ZCCHC2: variants seen among roughly 807,000 people sequenced by gnomAD.
The protein encoded by ZCCHC2 is zinc finger CCHC-type containing 2.
ZCCHC2 carries 39 observed loss-of-function variants against 103.6 expected under a neutral mutation model. That is an observed-to-expected ratio of 0.38 (90% CI 0.29 to 0.49). ZCCHC2 has a LOEUF of 0.49. Among genes scored for constraint, ZCCHC2 ranks in the 20% least tolerant of loss-of-function variants. The pLI is 0.96. For missense variants in ZCCHC2, 1,483 were observed against 1,491.0 expected (o/e 0.99, Z 0.09); for synonymous variants, 687 against 608.9 (o/e 1.13, Z -1.89).
chr18:62,574,335 G>A lies in ZCCHC2; in HGVS notation c.2254G>A (p.Val752Ile). 1 of 1,614,050 alleles carries A rather than the reference G, an allele frequency of 6.2e-7. No individual in the cohort carries two copies. Among genetic ancestry groups the A allele is most frequent in the Non-Finnish European group, 8.5e-7 (1 of 1,179,902 alleles). Residue 752 changes from valine to isoleucine, a missense_variant, in exon 13 of 14, where the codon GTT becomes ATT. By Grantham distance (29) the Val-to-Ile change is conservative. Coordinates refer to ENST00000269499, the MANE Select transcript of ZCCHC2 (RefSeq NM_017742.6). ...TGATGGCAAAACCATAGGGATGCTTGTTCCTAGTCCTGTTGCTATTTCTGC... is the reference window on the plus strand; with the variant it reads ...TGATGGCAAAACCATAGGGATGCTTATTCCTAGTCCTGTTGCTATTTCTGC... The part of the protein sequence containing the change: ...PADGKTIGML[V>I]PSPVAISAIR...
At chr18:62,563,959 G>C (rs576913436) in intron 9 of ZCCHC2, among the ~76,000 whole-genome samples, 1 of 152,120 alleles carries the variant, frequency 6.6e-6, no homozygotes, top group Admixed American at 6.5e-5. Context: ...TCGCAGATAT[G>C]GGGGGAGGTC....
At chr18:62,554,405 A>AT (rs1253910079) in intron 5 of ZCCHC2, among the ~76,000 whole-genome samples, 5 of 152,206 alleles carry the variant, frequency 3.3e-5, no homozygotes, top group Non-Finnish European at 7.3e-5. Context: ...GGGTTGGATG[A>AT]TTTCTGTCAT....
chr18:62,538,305 A>G (rs1040777026), intron 1 of ZCCHC2, among the ~76,000 whole-genome samples: 8 of 151,534 alleles, frequency 5.3e-5, no homozygotes, highest in African/African-American at 1.7e-4. Flanking sequence ...TATTCACCCA[A>G]GCTTCTTCCA....
intron 1 of ZCCHC2, among the ~76,000 whole-genome samples, chr18:62,533,474 G>A (rs765633542): frequency 1.3e-5 from 2 of 152,234 alleles, no homozygotes; most frequent in East Asian, 1.9e-4. Context: ...GCAGTGAGCC[G>A]AGATCATGCC....
intron 11 of ZCCHC2, among the ~76,000 whole-genome samples, chr18:62,565,420 T>C (rs1916319036): frequency 1.3e-5 from 2 of 152,152 alleles, no homozygotes; most frequent in African/African-American, 4.8e-5. Context: ...ATGGGAGATC[T>C]CTCCTGTGGC....
chr18:62,524,494 C>T (rs997218216), intron 1 of ZCCHC2, 131 bp downstream of exon 1: 7 of 1,345,084 alleles, frequency 5.2e-6, no homozygotes, highest in African/African-American at 4.7e-5. Context: ...CACCCGGCAG[C>T]TCCCAGCGCC....
chr18:62,567,685 T>C lies in ZCCHC2; in HGVS notation c.1847-2418T>C, dbSNP rs1427581405. 6.6e-5 allele frequency among the ~76,000 whole-genome samples: 10 copies of C among 152,246 alleles called. No homozygotes were observed. In the East Asian group the frequency reaches 1.7e-3, roughly 26 times the overall value. The stretch of plus-strand genomic sequence containing the variant: ...ATGGCCAGGCGCGGTGGCTCACGCC[T>C]GTAATCCCAGCACTTTGGGAGGCTG... On this transcript the variant is annotated intron_variant, in intron 11 of 13. Coordinates refer to ENST00000269499, the MANE Select transcript of ZCCHC2 (RefSeq NM_017742.6).
At chr18:62,565,190 T>G in intron 11 of ZCCHC2, 94 bp downstream of exon 11, 2 of 908,134 alleles carry the variant, frequency 2.2e-6, no homozygotes. Context: ...TTGTGTCAAA[T>G]CCTAATACTA....
intron 1 of ZCCHC2, among the ~76,000 whole-genome samples, chr18:62,531,370 T>C (rs1415372591): frequency 6.6e-6 from 1 of 152,252 alleles, no homozygotes; most frequent in Non-Finnish European, 1.5e-5. Context: ...CTTTAGTTCC[T>C]TTCTAAATGC....
chr18:62,535,881 G>C (rs954445570), intron 1 of ZCCHC2, among the ~76,000 whole-genome samples: 1 of 152,194 alleles, frequency 6.6e-6, no homozygotes, highest in African/African-American at 2.4e-5. Flanking sequence ...TTTGACAATT[G>C]GGAAAACTTC....
Position 62,574,410 on chromosome 18 carries a change from G to T in ZCCHC2, c.2329G>T (p.Ala777Ser). 6.2e-7 allele frequency: 1 copy of T among 1,614,044 alleles called. No homozygotes were observed. The highest frequency in any genetic ancestry group is 8.5e-7 in the Non-Finnish European group (1 of 1,179,900). The change falls in exon 13 of 14, where the codon GCT (alanine) becomes TCT (serine). Residue 777 changes from alanine (A) to serine (S), a missense_variant. By Grantham distance (99) the Ala-to-Ser change is moderately conservative (BLOSUM62 1). Around this residue, in one of 3 missense-constraint regions of ZCCHC2, gnomAD observed 884 missense variants for 907.5 expected, o/e 0.97. Coordinates refer to ENST00000269499, the MANE Select transcript of ZCCHC2 (RefSeq NM_017742.6). ...STPVGILGPT[A>S]CTGESEKHLE... ...CCCTGTTGGAATACTAGGGCCAACAGCTTGCACTGGAGAATCGGAAAAGCA... is the reference window on the plus strand; with the variant it reads ...CCCTGTTGGAATACTAGGGCCAACATCTTGCACTGGAGAATCGGAAAAGCA...
At chr18:62,524,518 T>A in intron 1 of ZCCHC2, 155 bp downstream of exon 1, 5 of 1,240,782 alleles carry the variant, frequency 4.0e-6, no homozygotes, top group Non-Finnish European at 5.3e-6. Context: ...GGGCTGAGCT[T>A]CGTCTCGCTG....
At chr18:62,538,455 G>A (rs1034223472) in intron 1 of ZCCHC2, among the ~76,000 whole-genome samples, 1 of 151,974 alleles carries the variant, frequency 6.6e-6, no homozygotes, top group Non-Finnish European at 1.5e-5. Flanking sequence ...AAAATATATG[G>A]TCTGGGTTAG....
chr18:62,565,966 C>G (rs1189643458), intron 11 of ZCCHC2, among the ~76,000 whole-genome samples: 2 of 152,058 alleles, frequency 1.3e-5, no homozygotes, highest in Non-Finnish European at 2.9e-5. Context: ...TAATCTGGGC[C>G]AGACACGGTG....
intron 6 of ZCCHC2, among the ~76,000 whole-genome samples, chr18:62,557,683 T>C (rs1915953420): frequency 6.6e-6 from 1 of 152,230 alleles, no homozygotes; most frequent in Non-Finnish European, 1.5e-5. Context: ...TTATTGAACA[T>C]GTATCAATAG....
chr18:62,523,359 C>G lies in ZCCHC2; in HGVS notation c.-66C>G. 1 of 1,002,850 alleles carries G rather than the reference C, an allele frequency of 1.0e-6. No individual in the cohort carries two copies. The highest frequency in any genetic ancestry group is 1.2e-6 in the Non-Finnish European group (1 of 842,758). The allele number at this position is 1,002,850 out of a possible 1,614,324, so 62.1% of individuals were successfully genotyped here. A position where few individuals can be genotyped will look rare whatever the true frequency, so the allele number is the denominator to read the frequency against. ...CTGACGGCCGCGCCGCCGCCTCGGC[C>G]CGTGCTCCACCTCGCGGCCCCTCCC... On this transcript the variant is annotated 5_prime_UTR_variant, in exon 1 of 14. Transcript: ENST00000269499.
chr18:62,561,426 A>G (rs1210612980), intron 8 of ZCCHC2, among the ~76,000 whole-genome samples: 1 of 152,178 alleles, frequency 6.6e-6, no homozygotes, highest in African/African-American at 2.4e-5. Context: ...TTTCTTACTC[A>G]TACCACATTA....
chr18:62,558,688 T>A lies in ZCCHC2; in HGVS notation c.1410T>A (p.Asn470Lys), dbSNP rs1293627660. 4.0e-6 allele frequency: 6 copies of A among 1,509,124 alleles called. No individual in the cohort carries two copies. The highest frequency in any genetic ancestry group is 5.3e-6 in the Non-Finnish European group (6 of 1,126,908). 93.5% of individuals were successfully genotyped at this position (1,509,124 alleles called of 1,614,324 possible). A position where few individuals can be genotyped will look rare whatever the true frequency, so the allele number is the denominator to read the frequency against. The change falls in exon 7 of 14, where the codon AAT (asparagine) becomes AAA (lysine). Residue 470 changes from asparagine (N) to lysine (K), a missense_variant and splice_region_variant. Asn to Lys is a moderately conservative substitution (Grantham distance 94). Transcript: ENST00000269499. Reference protein sequence around the residue: ...SISSDSLHSINNLQSSLKTSK... With the variant: ...SISSDSLHSIKNLQSSLKTSK... ...AATAGTATTGAATGCTTCCTGCAGA[T>A]AACTTACAATCCTCTCTGAAGACTT...
At chr18:62,554,397 G>T (rs751320418) in intron 5 of ZCCHC2, among the ~76,000 whole-genome samples, 14 of 152,322 alleles carry the variant, frequency 9.2e-5, no homozygotes, top group Middle Eastern at 6.8e-3. Flanking sequence ...TGCATTTGGG[G>T]TTGGATGATT....
Sources: allele counts gnomAD v4.1 joint callset (sites outside exome capture counted in the v4.1 genomes callset), GRCh38; gene constraint gnomAD v4.1.1; regional missense constraint gnomAD v4.1.1; transcripts MANE v1.5; gene names NCBI Gene and HGNC (gene_info 2026-07-23, HGNC 2026-07-21).